The following TENM1 variants were observed in gnomAD, a reference collection of about 807,000 sequenced individuals.
TENM1 encodes teneurin transmembrane protein 1.
A neutral mutation model predicts 174.8 loss-of-function variants in TENM1; 35 were observed. The observed-to-expected ratio is 0.20, with a 90% CI of 0.15 to 0.27. The LOEUF (loss-of-function observed/expected upper bound fraction) is 0.27, where lower values mean the gene tolerates loss of function less well. TENM1 is among the 10% of genes least tolerant of loss of function. TENM1 has a pLI of 1.00. For synonymous variants in TENM1, 781 were observed against 798.7 expected, an observed-to-expected ratio of 0.98 and a Z score of 0.37; for missense variants, 1,633 against 2,130.1, an observed-to-expected ratio of 0.77 and a Z score of 4.59.
At chrX:125,199,428 A>T in the TENM1 span, among the ~76,000 whole-genome samples, 2 of 112,365 alleles carry the variant, frequency 1.8e-5, no homozygotes, top group East Asian at 5.6e-4. Flanking sequence ...ACATGTTTTT[A>T]TGTGTCCATT....
the TENM1 span, among the ~76,000 whole-genome samples, chrX:125,012,599 T>C: frequency 1.3e-4 from 15 of 111,986 alleles, no homozygotes; most frequent in African/African-American, 4.9e-4. Flanking sequence ...TTTCATTTAA[T>C]ATATACCTTA....
intron 18 of TENM1, among the ~76,000 whole-genome samples, chrX:124,517,247 T>C (rs1161284830): frequency 9.0e-6 from 1 of 110,864 alleles, no homozygotes; most frequent in Non-Finnish European, 1.9e-5. Context: ...ACAAACCCTG[T>C]GACACGAATT....
the TENM1 span, among the ~76,000 whole-genome samples, chrX:125,087,628 C>T: frequency 8.1e-5 from 9 of 110,823 alleles, no homozygotes; most frequent in East Asian, 2.5e-3. Flanking sequence ...CCTAGAGCAT[C>T]CTGTTGTAAC....
rs199699191 is a variant in TENM1, at chrX:124,728,145, G to GA, written c.776+8811dup. ...AGGGAAGAAAAAGAGACTTTCTGAA[G>GA]AAAAAAAAAATCAAAGAATAAAAGA... On this transcript the variant is annotated intron_variant, in intron 4 of 31. Transcript: ENST00000422452. 1.8e-3 allele frequency among the ~76,000 whole-genome samples: 182 copies of GA among 103,329 alleles called. 1 individual carries two copies. The highest frequency in any genetic ancestry group is 5.6e-3 in the African/African-American group (159 of 28,322). The allele number at this position is 103,329 out of a possible 115,157, so 89.7% of individuals were successfully genotyped here. A position where few individuals can be genotyped will look rare whatever the true frequency, so the allele number is the denominator to read the frequency against.
the TENM1 span, among the ~76,000 whole-genome samples, chrX:125,048,130 G>C: frequency 1.8e-5 from 2 of 111,180 alleles, no homozygotes; most frequent in Non-Finnish European, 3.8e-5. Flanking sequence ...TTCTTGAGTA[G>C]ACTCAGCTTC....
At chrX:124,734,214 G>A (rs1309006696) in intron 4 of TENM1, among the ~76,000 whole-genome samples, 3 of 111,967 alleles carry the variant, frequency 2.7e-5, no homozygotes, top group African/African-American at 9.7e-5. Flanking sequence ...CACTTTGGGA[G>A]GGTGAGGCGG....
intron 25 of TENM1, chrX:124,411,793 G>C (rs1445855697): frequency 8.9e-6 from 1 of 112,307 alleles, no homozygotes; most frequent in Non-Finnish European, 1.9e-5. Context: ...ATTTCTTATA[G>C]CTTACTTGAG....
rs2056974215 is a variant in TENM1, at chrX:124,864,847, G to A, written c.535+29449C>T. ...ACTCTCAAAGGTCAAGGGAAAAAAA[G>A]GATCCTAAAAGAGAAAAGAGAAAAG... On this transcript the variant is annotated intron_variant, in intron 3 of 31. Transcript: ENST00000422452. Among the ~76,000 whole-genome samples the A allele has an allele frequency of 2.7e-5, 3 of 109,991 alleles. No individual in the cohort carries two copies. The Admixed American group carries it at 2.9e-4, about 11-fold the overall frequency.
At chrX:124,742,060 T>C (rs1333077680) in intron 3 of TENM1, among the ~76,000 whole-genome samples, 1 of 112,049 alleles carries the variant, frequency 8.9e-6, no homozygotes, top group African/African-American at 3.2e-5. Context: ...TAATGCCAAA[T>C]AGACATTTTT....
At chrX:124,769,910 A>T (rs1341353301) in intron 3 of TENM1, among the ~76,000 whole-genome samples, 4 of 111,742 alleles carry the variant, frequency 3.6e-5, no homozygotes, top group African/African-American at 1.3e-4. Flanking sequence ...ATGTACACCT[A>T]AACTAAGCTG....
chrX:125,048,745 G>C, the TENM1 span, among the ~76,000 whole-genome samples: 1 of 111,227 alleles, frequency 9.0e-6, no homozygotes, highest in African/African-American at 3.3e-5. Context: ...TGAGTGAATT[G>C]TATGGTCTGC....
the TENM1 span, among the ~76,000 whole-genome samples, chrX:125,103,987 T>C: frequency 9.3e-6 from 1 of 108,018 alleles, no homozygotes; most frequent in African/African-American, 3.4e-5. Context: ...CGAAACTCCA[T>C]AAGAAAAAAA....
At chrX:124,383,870 T>C (rs769811393) in exon 30 of TENM1, 14 of 1,211,738 alleles carry the variant, frequency 1.2e-5, no homozygotes, top group South Asian at 1.8e-5. Flanking sequence ...GTAAGTGTCA[T>C]GATAGATATC....
chrX:125,049,253 C>A, the TENM1 span, among the ~76,000 whole-genome samples: 10 of 111,903 alleles, frequency 8.9e-5, no homozygotes, highest in East Asian at 2.8e-3. Flanking sequence ...ATTTCCCTCT[C>A]CCCAACAGTG....
At chrX:124,852,650 T>C (rs1373421690) in intron 3 of TENM1, among the ~76,000 whole-genome samples, 1 of 110,881 alleles carries the variant, frequency 9.0e-6, no homozygotes, top group Non-Finnish European at 1.9e-5. Flanking sequence ...AATATGCAGT[T>C]AGAAACGTTC....
At chrX:125,055,970 T>G in the TENM1 span, among the ~76,000 whole-genome samples, 1 of 111,916 alleles carries the variant, frequency 8.9e-6, no homozygotes, top group East Asian at 2.8e-4. Flanking sequence ...GTTTCACTTC[T>G]TATTAATGGC....
chrX:124,749,835 G>C, intron 3 of TENM1, among the ~76,000 whole-genome samples: 1 of 111,556 alleles, frequency 9.0e-6, no homozygotes, highest in Middle Eastern at 4.6e-3. Context: ...TTGCCTCATA[G>C]TGTATCCAAA....
At chrX:125,074,541 G>A in the TENM1 span, among the ~76,000 whole-genome samples, 4 of 110,754 alleles carry the variant, frequency 3.6e-5, no homozygotes, top group Non-Finnish European at 3.8e-5. Context: ...ACTGCTCCTC[G>A]ACAAAAGCCA....
intron 3 of TENM1, among the ~76,000 whole-genome samples, chrX:124,791,361 T>C (rs1384540191): frequency 1.8e-5 from 2 of 111,946 alleles, no homozygotes; most frequent in Non-Finnish European, 3.8e-5. Flanking sequence ...TCTACATATA[T>C]ACAAAATATA....
Sources: gnomAD v4.1 joint callset for allele counts (sites outside exome capture counted in the v4.1 genomes callset) on GRCh38, gnomAD v4.1.1 for gene constraint, MANE v1.5 for transcripts, NCBI Gene and HGNC (gene_info 2026-07-23, HGNC 2026-07-21) for gene names.